Variants in CD6 observed in about 807,000 individuals in gnomAD.
The protein encoded by CD6 is CD6 molecule.
Under a neutral mutation model 75.3 loss-of-function variants are expected in CD6, and 53 were observed. That is an observed-to-expected ratio of 0.70 (90% CI 0.56 to 0.88). The LOEUF is 0.88. CD6 is among the 40% of genes least tolerant of loss of function. CD6 has a pLI of 0.00. For missense variants in CD6, 770 were observed against 897.1 expected (o/e 0.86, Z 1.81); for synonymous variants, 359 against 381.5 (o/e 0.94, Z 0.69).
chr11:60,976,386 C>T (rs1413052348), intron 1 of CD6, among the ~76,000 whole-genome samples: 1 of 152,150 alleles, frequency 6.6e-6, no homozygotes, highest in Non-Finnish European at 1.5e-5. Context: ...GAACCTAAGT[C>T]AATTACCTGC....
At position 61,010,663 on chromosome 11, in the gene CD6, G is replaced by C. The variant is rs1320760189; in HGVS notation, c.1085-407G>C. Among the ~76,000 whole-genome samples, 3 of 152,140 alleles carry C rather than the reference G, an allele frequency of 2.0e-5. No homozygotes were observed. The East Asian group carries it at 5.8e-4, about 29-fold the overall frequency. ...GGAAACCTGATAGTATCTGCTGAGG[G>C]ACTTCTAAGCTCATTTCTTTGTGAG... is the stretch of plus-strand genomic sequence containing the variant. On this transcript the variant is annotated intron_variant, in intron 5 of 12. Coordinates refer to ENST00000313421, the MANE Select transcript of CD6 (RefSeq NM_006725.5).
chr11:60,985,565 G>A lies in CD6; in HGVS notation c.49+13651G>A, dbSNP rs1361755923. 3.2e-5 allele frequency among the ~76,000 whole-genome samples: 4 copies of A among 124,518 alleles called. No homozygotes were observed. The East Asian group carries it at 1.2e-3, about 39-fold the overall frequency. The allele number at this position is 124,518 out of a possible 152,430, so 81.7% of individuals were successfully genotyped here. On this transcript the variant is annotated intron_variant, in intron 1 of 12. Transcript: ENST00000313421. ...TGTATCTCAAACCAATACTACTTAAGTAAATAGAATATATATATATAAACA... is the reference window on the plus strand; with the variant it reads ...TGTATCTCAAACCAATACTACTTAAATAAATAGAATATATATATATAAACA...
chr11:60,998,253 A>G (rs576864605), intron 1 of CD6, among the ~76,000 whole-genome samples: 177 of 152,220 alleles, frequency 1.2e-3, no homozygotes, highest in African/African-American at 3.8e-3. Context: ...AATAGTATGC[A>G]CCTCACAGGG....
At chr11:60,976,516 G>T (rs1278526201) in intron 1 of CD6, among the ~76,000 whole-genome samples, 1 of 152,164 alleles carries the variant, frequency 6.6e-6, no homozygotes, top group Non-Finnish European at 1.5e-5. Flanking sequence ...TACTATGAGT[G>T]TTTGTTTATT....
At chr11:61,014,757 T>G (rs3016179) in intron 8 of CD6, among the ~76,000 whole-genome samples, 150,950 of 151,794 alleles carry the variant, frequency 0.99, 75,060 homozygotes, top group Middle Eastern at 1. Context: ...AAAGAAAAGG[T>G]TCAGTCATTC....
chr11:61,008,286 C>G, intron 3 of CD6: 2 of 532,944 alleles, frequency 3.8e-6, no homozygotes, highest in Admixed American at 6.3e-5. Context: ...TCCCTAAGCG[C>G]TGTGGCTCCC....
At chr11:60,977,061 G>A (rs1235578056) in intron 1 of CD6, among the ~76,000 whole-genome samples, 1 of 152,152 alleles carries the variant, frequency 6.6e-6, no homozygotes, top group Non-Finnish European at 1.5e-5. Flanking sequence ...ATGGAACGGG[G>A]TAGCTCCTAG....
intron 9 of CD6, 65 bp downstream of exon 9, chr11:61,015,900 C>T: frequency 6.3e-7 from 1 of 1,594,158 alleles, no homozygotes; most frequent in Non-Finnish European, 8.6e-7. Context: ...CCCGAGGGGA[C>T]CGTCAGGTCA....
At chr11:60,997,760 T>C (rs1451092515) in intron 1 of CD6, among the ~76,000 whole-genome samples, 1 of 152,206 alleles carries the variant, frequency 6.6e-6, no homozygotes, top group African/African-American at 2.4e-5. Context: ...ATTGAATTGA[T>C]TATGCCTTTA....
intron 5 of CD6, among the ~76,000 whole-genome samples, chr11:61,010,426 T>C (rs967952403): frequency 6.6e-6 from 1 of 152,178 alleles, no homozygotes; most frequent in African/African-American, 2.4e-5. Flanking sequence ...CCAAACGTAA[T>C]GACTGAGGCC....
rs930400196 is a variant in CD6 at position 61,019,324 on chromosome 11, G to A, written c.*6G>A. ...ATGACATCAGCGCAGCCTAGGCCGG[G>A]GCCAGCCGAGGCTCCTGGGGTGGCT... On this transcript the variant is annotated 3_prime_UTR_variant, in exon 13 of 13. Transcript: ENST00000313421. The A allele has an allele frequency of 3.7e-6, 6 of 1,604,516 alleles. No individual in the cohort carries two copies. The highest frequency in any genetic ancestry group is 3.3e-5 in the Admixed American group (2 of 59,918).
chr11:61,014,113 A>T (rs1859292556), intron 8 of CD6, 99 bp downstream of exon 8: 6 of 832,684 alleles, frequency 7.2e-6, no homozygotes, highest in Non-Finnish European at 1.1e-5. Context: ...ACGTACACAC[A>T]GCTGGAGATG....
rs1859578329 is a variant in CD6, at chr11:61,019,534, GC to G, written c.*220del. The G allele has an allele frequency of 9.2e-6, 4 of 434,214 alleles. No individual in the cohort carries two copies. The East Asian group carries it at 1.0e-4, about 11-fold the overall frequency. The allele number at this position is 434,214 out of a possible 1,614,324, so 26.9% of individuals were successfully genotyped here. ...AGCCCTCCCCCGGCCCCAGATAGCA[GC>G]CCCAGGGAGGATGCTGCCTCCAAGA... On this transcript the variant is annotated 3_prime_UTR_variant, in exon 13 of 13. Coordinates refer to ENST00000313421, the MANE Select transcript of CD6 (RefSeq NM_006725.5).
chr11:60,981,488 C>T (rs1043711629), intron 1 of CD6, among the ~76,000 whole-genome samples: 1 of 152,246 alleles, frequency 6.6e-6, no homozygotes. Context: ...TTTATGGAGC[C>T]TGAGCTCTCC....
rs192843563 is a variant in CD6, at chr11:61,019,373, A to G, written c.*55A>G. Reference sequence around the variant, plus strand: ...CTCTGACCCTCTGGCCTCCTGCTCTACCTACTCCCTTTCCCCTTTCCCACC... The same window carrying G: ...CTCTGACCCTCTGGCCTCCTGCTCTGCCTACTCCCTTTCCCCTTTCCCACC... On this transcript the variant is annotated 3_prime_UTR_variant, in exon 13 of 13. Transcript: ENST00000313421. 187 of 1,395,834 alleles carry G rather than the reference A, an allele frequency of 1.3e-4. No homozygotes were observed. The African/African-American group carries it at 2.5e-3, about 19-fold the overall frequency. 86.5% of individuals were successfully genotyped at this position (1,395,834 alleles called of 1,614,324 possible).
At chr11:60,977,995 G>A (rs1857422881) in intron 1 of CD6, among the ~76,000 whole-genome samples, 1 of 152,170 alleles carries the variant, frequency 6.6e-6, no homozygotes, top group Non-Finnish European at 1.5e-5. Flanking sequence ...TCAAAAGGGA[G>A]GGCTGTAGAT....
intron 11 of CD6, 91 bp downstream of exon 11, chr11:61,018,104 GA>G: frequency 6.7e-7 from 1 of 1,502,342 alleles, no homozygotes; most frequent in Non-Finnish European, 9.1e-7. Flanking sequence ...CTGAGGTCAG[GA>G]TTCTACCCAG....
At chr11:60,976,810 C>T (rs1027570991) in intron 1 of CD6, among the ~76,000 whole-genome samples, 4 of 152,188 alleles carry the variant, frequency 2.6e-5, no homozygotes, top group African/African-American at 9.7e-5. Context: ...GTTATACAAA[C>T]CTAATCCCCT....
Position 61,009,680 on chromosome 11 carries a change from C to A in CD6, c.890C>A (p.Ser297Ter). The part of the protein sequence containing the change: ...NTVCDSEWYP[S>*]EAKVLCQSLG... ...GTGTGTGACAGTGAGTGGTACCCAT[C>A]GGAGGCCAAGGTGCTCTGCCAGTCC... Residue 297 changes from serine (S) to a stop codon, truncating the protein, a stop_gained, in exon 5 of 13, where the codon TCG becomes TAG. Transcript: ENST00000313421. LOFTEE classifies it high-confidence loss of function. The A allele has an allele frequency of 1.9e-6, 3 of 1,614,078 alleles. No homozygotes were observed. Among genetic ancestry groups the A allele is most frequent in the Non-Finnish European group, 2.5e-6 (3 of 1,180,022 alleles).
Sources: gnomAD v4.1 joint callset for allele counts (sites outside exome capture counted in the v4.1 genomes callset) on GRCh38, gnomAD v4.1.1 for gene constraint, MANE v1.5 for transcripts, NCBI Gene and HGNC (gene_info 2026-07-23, HGNC 2026-07-21) for gene names.